The following PTCSC3 variants were observed in gnomAD, a reference collection of about 807,000 sequenced individuals.
PTCSC3 encodes papillary thyroid carcinoma susceptibility candidate 3.
At chr14:36,166,416 C>T (rs930566276) in intron 1 of PTCSC3, among the ~76,000 whole-genome samples, 4 of 152,126 alleles carry the variant, frequency 2.6e-5, no homozygotes, top group African/African-American at 9.7e-5. Context: ...TAAGTGAAAA[C>T]ACACTAATAG....
chr14:36,149,702 T>C (rs1467490664), intron 3 of PTCSC3, among the ~76,000 whole-genome samples: 1 of 152,220 alleles, frequency 6.6e-6, no homozygotes, highest in African/African-American at 2.4e-5. Flanking sequence ...TTTATTAATA[T>C]ATAACACTCT....
At chr14:36,152,221 G>GT (rs1019844817) in intron 3 of PTCSC3, among the ~76,000 whole-genome samples, 4 of 151,476 alleles carry the variant, frequency 2.6e-5, no homozygotes, top group African/African-American at 9.7e-5. Context: ...TTTTTTGAAG[G>GT]TAAAAAAATG....
intron 3 of PTCSC3, among the ~76,000 whole-genome samples, chr14:36,138,616 A>G (rs1881341664): frequency 6.6e-6 from 1 of 152,236 alleles, no homozygotes; most frequent in African/African-American, 2.4e-5. Context: ...AGGATATGCA[A>G]ATTAAACTAC....
intron 3 of PTCSC3, among the ~76,000 whole-genome samples, chr14:36,139,119 T>TAAAAAAAAAAAA (rs370864635): frequency 9.4e-6 from 1 of 106,600 alleles, no homozygotes. Context: ...ATCTCAAAAA[T>TAAAAAAAAAAAA]AAAAAAAAAA....
intron 2 of PTCSC3, among the ~76,000 whole-genome samples, chr14:36,157,355 T>C (rs1402449312): frequency 1.3e-5 from 2 of 152,206 alleles, no homozygotes; most frequent in Non-Finnish European, 2.9e-5. Flanking sequence ...AGGTTGCCTG[T>C]TCACTCTGAT....
chr14:36,148,655 G>C (rs1465842531), intron 3 of PTCSC3, among the ~76,000 whole-genome samples: 3 of 152,172 alleles, frequency 2.0e-5, no homozygotes, highest in Non-Finnish European at 4.4e-5. Flanking sequence ...CTGTAGACCG[G>C]AGCTGTTCCT....
chr14:36,173,621 T>C (rs936136699), intron 1 of PTCSC3, among the ~76,000 whole-genome samples: 1 of 145,280 alleles, frequency 6.9e-6, no homozygotes, highest in African/African-American at 2.5e-5. Context: ...ATGATATCTA[T>C]CTTCAGCACA....
At chr14:36,156,463 A>G (rs1881828274) in intron 2 of PTCSC3, among the ~76,000 whole-genome samples, 11 of 151,702 alleles carry the variant, frequency 7.3e-5, no homozygotes, top group Admixed American at 6.6e-4. Flanking sequence ...TTCAAATTAT[A>G]CTCTAAGTTC....
At chr14:36,141,979 TTTTA>T (rs1430426501) in intron 3 of PTCSC3, among the ~76,000 whole-genome samples, 3 of 152,154 alleles carry the variant, frequency 2.0e-5, no homozygotes, top group East Asian at 1.9e-4. Context: ...ACAAAGACAG[TTTTA>T]TTTGTTTCTT....
intron 2 of PTCSC3, among the ~76,000 whole-genome samples, chr14:36,162,150 G>C (rs1030193095): frequency 1.3e-5 from 2 of 151,986 alleles, no homozygotes; most frequent in African/African-American, 2.4e-5. Flanking sequence ...TGGACTCTGT[G>C]GGGGTGGGAT....
intron 1 of PTCSC3, among the ~76,000 whole-genome samples, chr14:36,168,498 A>G (rs905206857): frequency 4.0e-5 from 6 of 151,454 alleles, no homozygotes; most frequent in African/African-American, 1.5e-4. Context: ...GATTCTAGTT[A>G]TGCTGTCTAC....
intron 3 of PTCSC3, among the ~76,000 whole-genome samples, chr14:36,139,806 T>C (rs2415316): frequency 0.48 from 73,307 of 152,098 alleles, 18,773 homozygotes; most frequent in Non-Finnish European, 0.58. Context: ...ATATTTGTTA[T>C]AATTAATAAA....
chr14:36,161,168 G>T (rs542317212), intron 2 of PTCSC3, among the ~76,000 whole-genome samples: 6 of 152,174 alleles, frequency 3.9e-5, no homozygotes, highest in African/African-American at 1.2e-4. Flanking sequence ...TTAGAACATG[G>T]TCCTTTAGCT....
chr14:36,170,091 T>C (rs960662923), intron 1 of PTCSC3, among the ~76,000 whole-genome samples: 10 of 152,166 alleles, frequency 6.6e-5, no homozygotes, highest in Admixed American at 6.5e-4. Flanking sequence ...CATTTTCTGA[T>C]GCTGGGAGAG....
At chr14:36,138,572 C>T (rs570895392) in intron 3 of PTCSC3, among the ~76,000 whole-genome samples, 1 of 152,186 alleles carries the variant, frequency 6.6e-6, no homozygotes, top group East Asian at 1.9e-4. Flanking sequence ...GACCAAGAAA[C>T]ATACGAAAAG....
At chr14:36,149,748 G>C (rs1881680490) in intron 3 of PTCSC3, among the ~76,000 whole-genome samples, 2 of 152,002 alleles carry the variant, frequency 1.3e-5, no homozygotes, top group African/African-American at 4.8e-5. Context: ...CCTTGATTCT[G>C]CTTTATCTGA....
intron 3 of PTCSC3, among the ~76,000 whole-genome samples, chr14:36,142,982 T>C (rs1215246717): frequency 3.3e-5 from 5 of 152,090 alleles, no homozygotes; most frequent in African/African-American, 1.2e-4. Context: ...ACAAAGGACA[T>C]GAACTCATCA....
chr14:36,170,006 A>C (rs1021541691), intron 1 of PTCSC3, among the ~76,000 whole-genome samples: 2 of 152,102 alleles, frequency 1.3e-5, no homozygotes, highest in Non-Finnish European at 2.9e-5. Context: ...TCTGGAAATA[A>C]CCATGTGTGC....
intron 3 of PTCSC3, among the ~76,000 whole-genome samples, chr14:36,153,446 G>A (rs1169132): frequency 0.64 from 97,319 of 152,020 alleles, 31,489 homozygotes; most frequent in Middle Eastern, 0.69. Flanking sequence ...AATCAAAACA[G>A]TAAAAATCCA....
Sources: gnomAD v4.1 joint callset for allele counts (sites outside exome capture counted in the v4.1 genomes callset) on GRCh38, gnomAD v4.1.1 for gene constraint, MANE v1.5 for transcripts, NCBI Gene and HGNC (gene_info 2026-07-23, HGNC 2026-07-21) for gene names.